Variants in SLC16A14 observed in about 807,000 individuals in gnomAD.
SLC16A14 encodes monocarboxylate transporter 14.
SLC16A14 carries 14 observed loss-of-function variants against 35.8 expected under a neutral mutation model. The ratio of observed to expected loss-of-function variants is 0.39; its 90% confidence interval spans 0.26 to 0.61. The LOEUF is 0.61. Among genes scored for constraint, SLC16A14 ranks in the 20% least tolerant of loss-of-function variants. SLC16A14 has a pLI of 0.51. For synonymous variants in SLC16A14, 248 were observed against 258.9 expected (o/e 0.96, Z 0.40); for missense variants, 533 against 655.0 (o/e 0.81, Z 2.03).
In SLC16A14 at chr2:230,049,893, C is replaced by T. The variant is rs758237107; in HGVS notation, c.271G>A (p.Gly91Ser). Residue 91 changes from glycine (G) to serine (S), a missense_variant, in exon 3 of 5, where the codon GGC (glycine) becomes AGC (serine). Gly to Ser is a moderately conservative substitution (Grantham distance 56). Coordinates refer to ENST00000295190, the MANE Select transcript of SLC16A14 (RefSeq NM_152527.5). ...CACCCACAGGTGTTAATGAACAAGC[C>T]GATGAAAGGGCCTGTCACAGAGCAT... ...GITLIVGPFI[G>S]LFINTCGCRQ... is the part of the protein sequence containing the mutation. 7.4e-6 allele frequency: 12 copies of T among 1,613,876 alleles called. No individual in the cohort carries two copies. Among genetic ancestry groups the T allele is most frequent in the Middle Eastern group, 1.6e-4 (1 of 6,084 alleles).
chr2:230,063,916 C>T (rs980173044), intron 1 of SLC16A14, among the ~76,000 whole-genome samples: 5 of 151,976 alleles, frequency 3.3e-5, no homozygotes, highest in Non-Finnish European at 7.4e-5. Flanking sequence ...GCCTGGACAA[C>T]AGTGAGACCT....
Position 230,059,213 on chromosome 2 carries a change from A to T in SLC16A14, c.140T>A (p.Ile47Asn). ...ACCCAGGGCCATCTGGGAGCCCATGATGAGGATGTGCACAAAGAAAGAGGA... is the reference window on the plus strand; with the variant it reads ...ACCCAGGGCCATCTGGGAGCCCATGTTGAGGATGTGCACAAAGAAAGAGGA... Reference protein sequence around the residue: ...VLSSFFVHILIMGSQMALGVL... With the variant: ...VLSSFFVHILNMGSQMALGVL... Residue 47 changes from isoleucine to asparagine, a missense_variant, in exon 2 of 5, where the codon ATC (isoleucine) becomes AAC (asparagine). Ile to Asn is a moderately radical substitution (Grantham distance 149). Coordinates refer to ENST00000295190, the MANE Select transcript of SLC16A14 (RefSeq NM_152527.5). 4 of 1,614,222 alleles carry T rather than the reference A, an allele frequency of 2.5e-6. No homozygotes were observed. The highest frequency in any genetic ancestry group is 2.5e-6 in the Non-Finnish European group (3 of 1,180,032).
chr2:230,056,151 G>A (rs2077702024), intron 2 of SLC16A14, among the ~76,000 whole-genome samples: 1 of 151,864 alleles, frequency 6.6e-6, no homozygotes, highest in Admixed American at 6.6e-5. Context: ...TTCCCTTCCA[G>A]TAAACATACA....
intron 3 of SLC16A14, 64 bp downstream of exon 3, chr2:230,049,697 A>G (rs1439241154): frequency 1.3e-6 from 2 of 1,560,758 alleles, no homozygotes; most frequent in African/African-American, 2.7e-5. Flanking sequence ...TCCACAATTA[A>G]ATCCACTGCC....
Position 230,037,330 on chromosome 2 carries a change from G to C in SLC16A14, c.*50C>G, listed in dbSNP as rs370539947. 6.7e-7 allele frequency: 1 copy of C among 1,486,646 alleles called. No homozygotes were observed. Among genetic ancestry groups the C allele is most frequent in the Non-Finnish European group, 9.0e-7 (1 of 1,115,084 alleles). 92.1% of individuals were successfully genotyped at this position (1,486,646 alleles called of 1,614,324 possible). A position where few individuals can be genotyped will look rare whatever the true frequency, so the allele number is the denominator to read the frequency against. On this transcript the variant is annotated 3_prime_UTR_variant, in exon 5 of 5. Transcript: ENST00000295190. ...CATAGGTGCCTCACAGCAACCATGC[G>C]AGGTAGGCATGAGTATTACAATGAA...
intron 2 of SLC16A14, among the ~76,000 whole-genome samples, chr2:230,053,797 A>G (rs1391466996): frequency 6.6e-6 from 1 of 152,052 alleles, no homozygotes; most frequent in Admixed American, 6.5e-5. Context: ...AAAGTGTCCC[A>G]CTGCTGTGGG....
Position 230,046,005 on chromosome 2 carries a change from G to C in SLC16A14, c.1121C>G (p.Ala374Gly). The change falls in exon 4 of 5, where the codon GCC (alanine) becomes GGC (glycine). Residue 374 changes from alanine (A) to glycine (G), a missense_variant. Coordinates refer to ENST00000295190, the MANE Select transcript of SLC16A14 (RefSeq NM_152527.5). The surrounding 1 kb of genome is among the most constrained non-coding windows in gnomAD (Gnocchi z 5.0). Reference sequence around the variant, plus strand: ...CCAAACACTAATGCAAGGCAAGTCGGCTATGACGCCCAGGATCACTTTTCC... The same window carrying C: ...CCAAACACTAATGCAAGGCAAGTCGCCTATGACGCCCAGGATCACTTTTCC... Reference protein sequence around the residue: ...IFGKVILGVIADLPCISVWNV... With the variant: ...IFGKVILGVIGDLPCISVWNV... 7 of 1,613,960 alleles carry C rather than the reference G, an allele frequency of 4.3e-6. No homozygotes were observed. The highest frequency in any genetic ancestry group is 5.1e-6 in the Non-Finnish European group (6 of 1,179,818).
chr2:230,061,479 A>C (rs2077751493), intron 1 of SLC16A14, among the ~76,000 whole-genome samples: 1 of 152,154 alleles, frequency 6.6e-6, no homozygotes, highest in African/African-American at 2.4e-5. Flanking sequence ...CCACTTGGCA[A>C]AATCCACACC....
intron 3 of SLC16A14, among the ~76,000 whole-genome samples, chr2:230,049,236 A>ATTTTTTTTT (rs11420320): frequency 7.1e-6 from 1 of 141,538 alleles, no homozygotes; most frequent in Non-Finnish European, 1.5e-5. Flanking sequence ...CACTTGGCTA[A>ATTTTTTTTT]TTTTTTTTTT....
At chr2:230,061,139 C>A (rs1385688688) in intron 1 of SLC16A14, among the ~76,000 whole-genome samples, 1 of 152,160 alleles carries the variant, frequency 6.6e-6, no homozygotes, top group Non-Finnish European at 1.5e-5. Flanking sequence ...CCGGAGCTTG[C>A]AATAAGCTGG....
At chr2:230,065,500 C>T (rs2077787705) in intron 1 of SLC16A14, among the ~76,000 whole-genome samples, 1 of 152,216 alleles carries the variant, frequency 6.6e-6, no homozygotes, top group South Asian at 2.1e-4. Context: ...AGTGATCCAC[C>T]TGCCTTGGCC....
chr2:230,056,879 T>TA (rs60620443), intron 2 of SLC16A14, among the ~76,000 whole-genome samples: 1,502 of 95,460 alleles, frequency 0.016, 14 homozygotes, highest in East Asian at 0.023. Flanking sequence ...CTACAAAAAG[T>TA]AAAAAAAAAA....
chr2:230,041,127 A>C (rs1277480625), intron 4 of SLC16A14, among the ~76,000 whole-genome samples: 1 of 152,206 alleles, frequency 6.6e-6, no homozygotes, highest in Non-Finnish European at 1.5e-5. Context: ...GAGTCTGTCA[A>C]ATAAGTAATA....
chr2:230,064,308 G>GTGTA (rs1353768413), intron 1 of SLC16A14, among the ~76,000 whole-genome samples: 5 of 151,062 alleles, frequency 3.3e-5, no homozygotes, highest in South Asian at 4.2e-4. Flanking sequence ...GTGTGTGTGT[G>GTGTA]TGTGTATGTG....
At chr2:230,060,985 G>A (rs187206897) in intron 1 of SLC16A14, among the ~76,000 whole-genome samples, 1 of 152,252 alleles carries the variant, frequency 6.6e-6, no homozygotes, top group East Asian at 1.9e-4. Context: ...GAGACTTAAT[G>A]CTCAGAATAA....
At chr2:230,066,332 T>A (rs985488415) in intron 1 of SLC16A14, among the ~76,000 whole-genome samples, 7 of 151,792 alleles carry the variant, frequency 4.6e-5, no homozygotes, top group African/African-American at 1.7e-4. Flanking sequence ...GGTAACCCAC[T>A]CTAAGCAAGC....
chr2:230,039,324 GA>G (rs745434745), intron 4 of SLC16A14, among the ~76,000 whole-genome samples: 64 of 148,640 alleles, frequency 4.3e-4, no homozygotes, highest in Middle Eastern at 3.5e-3. Flanking sequence ...AAATAGAAAA[GA>G]AAAAAAAAAT....
At chr2:230,060,191 C>T (rs191917779) in intron 1 of SLC16A14, among the ~76,000 whole-genome samples, 3 of 152,270 alleles carry the variant, frequency 2.0e-5, no homozygotes, top group Non-Finnish European at 4.4e-5. Context: ...ATGCAAGGCC[C>T]TTGTGAGCCA....
intron 2 of SLC16A14, among the ~76,000 whole-genome samples, chr2:230,054,163 G>A (rs1326921334): frequency 6.6e-6 from 1 of 152,016 alleles, no homozygotes; most frequent in Non-Finnish European, 1.5e-5. Context: ...AAGTGATTTA[G>A]CAAGTCATTT....
Sources: allele counts gnomAD v4.1 joint callset (sites outside exome capture counted in the v4.1 genomes callset), GRCh38; gene constraint gnomAD v4.1.1; non-coding constraint Gnocchi (gnomAD v3.1); transcripts MANE v1.5; gene names NCBI Gene and HGNC (gene_info 2026-07-23, HGNC 2026-07-21).